TMED7: variants seen among roughly 807,000 people sequenced by gnomAD.
TMED7 encodes transmembrane p24 trafficking protein 7.
TMED7 carries 8 observed loss-of-function variants against 23.4 expected under a neutral mutation model. That is an observed-to-expected ratio of 0.34 (90% CI 0.20 to 0.62). TMED7 has a LOEUF of 0.62. Ranked by LOEUF, TMED7 falls within the 20% of genes least tolerant of loss-of-function variation. The pLI, the probability that TMED7 is intolerant of heterozygous loss-of-function variation, is 0.77. For synonymous variants in TMED7, 121 were observed against 108.5 expected (o/e 1.12, Z -0.72); for missense variants, 232 against 279.1 (o/e 0.83, Z 1.20).
rs1371512390 is a variant in TMED7, at chr5:115,613,319, A to T, written c.*2890T>A. On this transcript the variant is annotated 3_prime_UTR_variant, in exon 3 of 3. Coordinates refer to ENST00000456936, the MANE Select transcript of TMED7 (RefSeq NM_181836.6). ...ACTTTCAGTAAGGAATGCAAAGAGA[A>T]GGTTACAAATTAGGCAGTACAGACG... Among the ~76,000 whole-genome samples the T allele has an allele frequency of 6.6e-6, 1 of 152,230 alleles. No homozygotes were observed. The highest frequency in any genetic ancestry group is 1.9e-4 in the East Asian group (1 of 5,206).
At chr5:115,625,012 T>C (rs1254645835) in intron 1 of TMED7, among the ~76,000 whole-genome samples, 2 of 152,256 alleles carry the variant, frequency 1.3e-5, no homozygotes, top group Non-Finnish European at 2.9e-5. Flanking sequence ...GTAAAGACTG[T>C]TCTAACCAAC....
intron 1 of TMED7, among the ~76,000 whole-genome samples, chr5:115,622,183 C>G (rs1010681574): frequency 2.0e-5 from 3 of 152,108 alleles, no homozygotes; most frequent in African/African-American, 7.2e-5. Context: ...AATAATCAAA[C>G]ACATACATAC....
intron 2 of TMED7, 135 bp from the exon 3 acceptor site, chr5:115,616,580 T>A (rs1756758986): frequency 7.7e-7 from 1 of 1,299,878 alleles, no homozygotes; most frequent in African/African-American, 1.5e-5. Context: ...CATTCATACA[T>A]TTATGCCAGT....
intron 2 of TMED7, among the ~76,000 whole-genome samples, chr5:115,617,828 C>G (rs945522912): frequency 6.6e-6 from 1 of 152,214 alleles, no homozygotes; most frequent in Non-Finnish European, 1.5e-5. Flanking sequence ...GAGTCTCGCT[C>G]TGTCACCCAG....
chr5:115,625,720 G>A lies in TMED7; in HGVS notation c.73C>T (p.Leu25=), dbSNP rs771749978. The change falls in exon 1 of 3, where the codon CTG becomes TTG. Residue 25 remains leucine (L), a synonymous_variant. Coordinates refer to ENST00000456936, the MANE Select transcript of TMED7 (RefSeq NM_181836.6). ...CCGCCGGGTCCAGGCACCAGTAGCA[G>A]CAGTGCGAGCAGCCTGCACCCCCAA... ...GRWGCRLLAL[L]LLVPGPGGAS... The A allele has an allele frequency of 6.3e-7, 1 of 1,595,064 alleles. No homozygotes were observed. Among genetic ancestry groups the A allele is most frequent in the Non-Finnish European group, 8.5e-7 (1 of 1,172,402 alleles).
intron 1 of TMED7, among the ~76,000 whole-genome samples, chr5:115,623,229 C>T (rs929077043): frequency 2.6e-5 from 4 of 152,220 alleles, no homozygotes; most frequent in Non-Finnish European, 5.9e-5. Flanking sequence ...CATATACTCT[C>T]TCAGATCTGG....
intron 1 of TMED7, among the ~76,000 whole-genome samples, chr5:115,624,041 G>A (rs530288219): frequency 6.6e-6 from 1 of 152,160 alleles, no homozygotes; most frequent in Non-Finnish European, 1.5e-5. Context: ...GGGCTTTCCT[G>A]AGAACATACC....
At chr5:115,624,982 C>T (rs1482785366) in intron 1 of TMED7, among the ~76,000 whole-genome samples, 1 of 152,242 alleles carries the variant, frequency 6.6e-6, no homozygotes, top group African/African-American at 2.4e-5. Context: ...AATGCGCCTA[C>T]CAACCAAAAT....
intron 1 of TMED7, among the ~76,000 whole-genome samples, chr5:115,624,403 C>T (rs1435383837): frequency 3.9e-5 from 6 of 152,312 alleles, no homozygotes; most frequent in African/African-American, 1.4e-4. Flanking sequence ...CTCTAAGCCA[C>T]TATCATTTCT....
At chr5:115,618,039 G>T (rs547788634) in intron 2 of TMED7, among the ~76,000 whole-genome samples, 1 of 152,126 alleles carries the variant, frequency 6.6e-6, no homozygotes, top group Non-Finnish European at 1.5e-5. Context: ...TGATCCGCCC[G>T]CCTCGGCCTC....
At position 115,616,314 on chromosome 5, in the gene TMED7, T is replaced by G. The variant is rs1058047; in HGVS notation, c.570A>C (p.Ser190=). The G allele has an allele frequency of 6.2e-7, 1 of 1,614,188 alleles. No individual in the cohort carries two copies. The highest frequency in any genetic ancestry group is 8.5e-7 in the Non-Finnish European group (1 of 1,179,998). The change falls in exon 3 of 3, where the codon TCA becomes TCC. Residue 190 remains serine, a synonymous_variant. Transcript: ENST00000456936. ...CCAGAAGAATGAGGGCTTCTCCTAC[T>G]GACCAATAGGCCACTCTTGTATTTA... ...EDLNTRVAYW[S]VGEALILLVV...
chr5:115,618,574 G>A (rs1356099109), intron 2 of TMED7, among the ~76,000 whole-genome samples: 2 of 152,016 alleles, frequency 1.3e-5, no homozygotes, highest in Non-Finnish European at 1.5e-5. Flanking sequence ...GCATTCCCAT[G>A]TTATTCCTTT....
chr5:115,617,825 GCT>G (rs1425314674), intron 2 of TMED7, among the ~76,000 whole-genome samples: 2 of 152,214 alleles, frequency 1.3e-5, no homozygotes, highest in African/African-American at 4.8e-5. Context: ...ATGGAGTCTC[GCT>G]CTGTCACCCA....
chr5:115,620,287 GT>G (rs1013204784), intron 2 of TMED7, 147 bp downstream of exon 2: 1 of 1,112,982 alleles, frequency 9.0e-7, no homozygotes, highest in African/African-American at 1.6e-5. Context: ...GAAGTTCTCT[GT>G]GAAATGCCTA....
At chr5:115,625,578 A>G (rs1437743343) in intron 1 of TMED7, 23 bp downstream of exon 1, 7 of 1,529,688 alleles carry the variant, frequency 4.6e-6, no homozygotes, top group Non-Finnish European at 5.3e-6. Context: ...GTTGGGGCCC[A>G]GGGACTGCTA....
At position 115,616,047 on chromosome 5, in the gene TMED7, G is replaced by A. The variant is rs79522669; in HGVS notation, c.*162C>T. On this transcript the variant is annotated 3_prime_UTR_variant, in exon 3 of 3. Coordinates refer to ENST00000456936, the MANE Select transcript of TMED7 (RefSeq NM_181836.6). ...TTTCCACCTTTACAAATAAAAAAAG[G>A]TGTCCTTTCCACAGTTTGGGAATAT... is the stretch of plus-strand genomic sequence containing the variant. 2.8e-6 allele frequency: 2 copies of A among 709,686 alleles called. No homozygotes were observed. The highest frequency in any genetic ancestry group is 3.6e-5 in the African/African-American group (2 of 55,588). The allele number at this position is 709,686 out of a possible 1,614,324, so 44.0% of individuals were successfully genotyped here.
intron 1 of TMED7, among the ~76,000 whole-genome samples, chr5:115,622,615 TCTC>T (rs1757070468): frequency 6.6e-6 from 1 of 152,026 alleles, no homozygotes. Flanking sequence ...TAGCTGCCCT[TCTC>T]CTAAAATGAT....
rs1756611608 is a variant in TMED7 at position 115,614,497 on chromosome 5, A to T, written c.*1712T>A. The T allele has an allele frequency of 6.6e-6, 1 of 152,572 alleles. No homozygotes were observed. Among genetic ancestry groups the T allele is most frequent in the Non-Finnish European group, 1.5e-5 (1 of 67,984 alleles). The allele number at this position is 152,572 out of a possible 1,614,324, so 9.5% of individuals were successfully genotyped here. A position where few individuals can be genotyped will look rare whatever the true frequency, so the allele number is the denominator to read the frequency against. On this transcript the variant is annotated 3_prime_UTR_variant, in exon 3 of 3. Coordinates refer to ENST00000456936, the MANE Select transcript of TMED7 (RefSeq NM_181836.6). The stretch of plus-strand genomic sequence containing the variant: ...CAGTGCTTACAACTTTCAAATTTAA[A>T]TATAAAGGGACACTTGCAAAGCCGC...
intron 2 of TMED7, among the ~76,000 whole-genome samples, chr5:115,619,885 A>C (rs1428865737): frequency 6.6e-6 from 1 of 152,196 alleles, no homozygotes; most frequent in Non-Finnish European, 1.5e-5. Flanking sequence ...ATGTCTCCAA[A>C]ATAAATCTGA....
Sources: allele counts gnomAD v4.1 joint callset (sites outside exome capture counted in the v4.1 genomes callset), GRCh38; gene constraint gnomAD v4.1.1; transcripts MANE v1.5; gene names NCBI Gene and HGNC (gene_info 2026-07-23, HGNC 2026-07-21).